The following ITGA8 variants were observed in gnomAD, a reference collection of about 807,000 sequenced individuals.
ITGA8 encodes integrin subunit alpha 8.
A neutral mutation model predicts 142.3 loss-of-function variants in ITGA8; 91 were observed. The observed-to-expected ratio is 0.64, with a 90% CI of 0.54 to 0.76. ITGA8 has a LOEUF of 0.76. ITGA8 is among the 30% of genes least tolerant of loss of function. The pLI is 0.00. For missense variants in ITGA8, 1,406 were observed against 1,327.7 expected, an observed-to-expected ratio of 1.06 and a Z score of -0.92; for synonymous variants, 505 against 485.2, an observed-to-expected ratio of 1.04 and a Z score of -0.54.
At chr10:15,546,351 G>C (rs1026279007) in intron 27 of ITGA8, among the ~76,000 whole-genome samples, 1 of 152,176 alleles carries the variant, frequency 6.6e-6, no homozygotes, top group Non-Finnish European at 1.5e-5. Flanking sequence ...AGCAGCCCTT[G>C]GCACACAGTA....
intron 26 of ITGA8, among the ~76,000 whole-genome samples, chr10:15,556,335 T>G (rs1833889591): frequency 6.6e-6 from 1 of 151,916 alleles, no homozygotes; most frequent in Non-Finnish European, 1.5e-5. Context: ...GCCAGGTCTC[T>G]CTCTTTGGCT....
At chr10:15,658,297 T>G (rs1834223206) in intron 10 of ITGA8, among the ~76,000 whole-genome samples, 1 of 152,212 alleles carries the variant, frequency 6.6e-6, no homozygotes, top group African/African-American at 2.4e-5. Context: ...TACAGTGACC[T>G]TCTTCCCATA....
rs1007246025 is a variant in ITGA8, at chr10:15,575,398, T to A, written c.2478+91A>T. ...CAGCGAGATCCTGTCTCAATAATAA[T>A]AATGATAATGATAATAATGCTACAT... On this transcript the variant is annotated intron_variant, in intron 24 of 29. Transcript: ENST00000378076. The A allele has an allele frequency of 3.6e-5, 33 of 911,048 alleles. No homozygotes were observed. In the African/African-American group the frequency reaches 5.1e-4, roughly 14 times the overall value. 56.4% of individuals were successfully genotyped at this position (911,048 alleles called of 1,614,324 possible).
chr10:15,653,482 A>G (rs1018354409), intron 11 of ITGA8, among the ~76,000 whole-genome samples: 1 of 152,192 alleles, frequency 6.6e-6, no homozygotes, highest in South Asian at 2.1e-4. Flanking sequence ...ATTCCAATCA[A>G]TAAGCCTACA....
At chr10:15,604,172 C>A (rs200370122) in intron 20 of ITGA8, 36 bp downstream of exon 20, 2 of 1,586,600 alleles carry the variant, frequency 1.3e-6, no homozygotes, top group Non-Finnish European at 1.7e-6. Context: ...CAAAAATATA[C>A]CTAGCTCTTG....
intron 27 of ITGA8, among the ~76,000 whole-genome samples, chr10:15,531,356 A>G (rs1159044010): frequency 6.6e-6 from 1 of 152,006 alleles, no homozygotes; most frequent in African/African-American, 2.4e-5. Context: ...GCATCCATCC[A>G]TCTAAGCGTC....
intron 25 of ITGA8, among the ~76,000 whole-genome samples, chr10:15,566,550 C>G (rs1834084585): frequency 6.6e-6 from 1 of 152,066 alleles, no homozygotes; most frequent in Non-Finnish European, 1.5e-5. Context: ...GTGGCTCATG[C>G]CTGTAATCCC....
intron 20 of ITGA8, among the ~76,000 whole-genome samples, chr10:15,602,854 G>T (rs935631926): frequency 1.3e-5 from 2 of 152,084 alleles, no homozygotes; most frequent in Non-Finnish European, 2.9e-5. Flanking sequence ...GCTGAGTGGA[G>T]ATTTGCAAAT....
intron 2 of ITGA8, 123 bp downstream of exon 2, chr10:15,718,643 A>G: frequency 8.0e-7 from 1 of 1,245,488 alleles, no homozygotes; most frequent in Non-Finnish European, 1.1e-6. Flanking sequence ...CACATAGCCC[A>G]CAATACGGAC....
chr10:15,650,334 G>A (rs566581654), intron 11 of ITGA8, among the ~76,000 whole-genome samples: 2 of 152,298 alleles, frequency 1.3e-5, no homozygotes, highest in South Asian at 4.1e-4. Flanking sequence ...CAAATTTCAT[G>A]TATTAGACAA....
chr10:15,561,053 C>T (rs1833965045), intron 25 of ITGA8, among the ~76,000 whole-genome samples: 2 of 151,656 alleles, frequency 1.3e-5, no homozygotes, highest in African/African-American at 4.8e-5. Context: ...CCTGCTGCAC[C>T]TGCTGAATTT....
intron 12 of ITGA8, among the ~76,000 whole-genome samples, chr10:15,646,287 G>A (rs1276657741): frequency 6.6e-6 from 1 of 152,210 alleles, no homozygotes; most frequent in Non-Finnish European, 1.5e-5. Flanking sequence ...AAGTAGAGAA[G>A]TTTAAAGTTG....
At chr10:15,653,636 C>T (rs1237063635) in intron 11 of ITGA8, among the ~76,000 whole-genome samples, 1 of 152,132 alleles carries the variant, frequency 6.6e-6, no homozygotes. Flanking sequence ...CCCTAAAAAT[C>T]CTGTTCTTCA....
chr10:15,636,443 T>C (rs1833773281), intron 13 of ITGA8, among the ~76,000 whole-genome samples: 1 of 152,192 alleles, frequency 6.6e-6, no homozygotes, highest in African/African-American at 2.4e-5. Context: ...CCAGTGACAA[T>C]ATTTGTTGTA....
chr10:15,612,313 G>T (rs1220924849), intron 15 of ITGA8, among the ~76,000 whole-genome samples: 2 of 152,104 alleles, frequency 1.3e-5, no homozygotes, highest in African/African-American at 4.8e-5. Flanking sequence ...CCTGTCAAAA[G>T]GCCATCAACA....
intron 2 of ITGA8, among the ~76,000 whole-genome samples, chr10:15,688,612 C>A (rs1241868201): frequency 6.6e-6 from 1 of 152,152 alleles, no homozygotes; most frequent in Non-Finnish European, 1.5e-5. Flanking sequence ...AAAATACTAG[C>A]AACTCAAATC....
intron 3 of ITGA8, among the ~76,000 whole-genome samples, chr10:15,685,801 C>G (rs1441654066): frequency 6.6e-6 from 1 of 152,056 alleles, no homozygotes; most frequent in African/African-American, 2.4e-5. Flanking sequence ...GAAACAACAG[C>G]AAGAAAAACA....
intron 22 of ITGA8, among the ~76,000 whole-genome samples, chr10:15,588,035 A>G (rs375224424): frequency 6.6e-6 from 1 of 152,082 alleles, no homozygotes; most frequent in Admixed American, 6.6e-5. Flanking sequence ...GGTCATGTTT[A>G]TATTCAGGTG....
chr10:15,671,858 A>G (rs1834527622), intron 7 of ITGA8, among the ~76,000 whole-genome samples: 1 of 147,198 alleles, frequency 6.8e-6, no homozygotes, highest in South Asian at 2.2e-4. Context: ...TAGATTATCT[A>G]CTACTTAAGT....
Sources: allele counts gnomAD v4.1 joint callset (sites outside exome capture counted in the v4.1 genomes callset), GRCh38; gene constraint gnomAD v4.1.1; transcripts MANE v1.5; gene names NCBI Gene and HGNC (gene_info 2026-07-23, HGNC 2026-07-21).